The following MAGI3 variants were observed in gnomAD, a reference collection of about 807,000 sequenced individuals.
The protein encoded by MAGI3 is membrane-associated guanylate kinase, WW and PDZ domain-containing protein 3.
Under a neutral mutation model 121.8 loss-of-function variants are expected in MAGI3, and 43 were observed. The ratio of observed to expected loss-of-function variants is 0.35; its 90% CI spans 0.28 to 0.46. The LOEUF is 0.46. Ranked by LOEUF, MAGI3 falls within the 20% of genes least tolerant of loss-of-function variation. MAGI3 has a pLI of 1.00. For synonymous variants in MAGI3, 553 were observed against 639.3 expected (o/e 0.86, Z 2.04); for missense variants, 1,547 against 1,797.3 (o/e 0.86, Z 2.52).
intron 16 of MAGI3, among the ~76,000 whole-genome samples, chr1:113,669,752 A>C (rs1330525300): frequency 6.6e-6 from 1 of 150,964 alleles, no homozygotes; most frequent in Non-Finnish European, 1.5e-5. Flanking sequence ...CTGGTCTTGA[A>C]CTCCTGACCT....
chr1:113,666,629 A>G (rs1454768338), intron 16 of MAGI3, among the ~76,000 whole-genome samples: 1 of 152,198 alleles, frequency 6.6e-6, no homozygotes, highest in African/African-American at 2.4e-5. Flanking sequence ...CTAGAATCAA[A>G]TTATTCCAAA....
At chr1:113,540,537 A>G (rs1306757122) in intron 1 of MAGI3, among the ~76,000 whole-genome samples, 1 of 152,234 alleles carries the variant, frequency 6.6e-6, no homozygotes, top group Non-Finnish European at 1.5e-5. Context: ...TTATGTGTAC[A>G]CAGCACTGTA....
intron 1 of MAGI3, among the ~76,000 whole-genome samples, chr1:113,479,212 G>C (rs1268358170): frequency 6.6e-6 from 1 of 152,218 alleles, no homozygotes; most frequent in East Asian, 1.9e-4. Flanking sequence ...CCCAGGTGAG[G>C]TGACGTCTCG....
chr1:113,547,353 T>A (rs573017645), intron 1 of MAGI3, among the ~76,000 whole-genome samples: 1 of 152,324 alleles, frequency 6.6e-6, no homozygotes, highest in South Asian at 2.1e-4. Flanking sequence ...ATTGTCTTTT[T>A]AAATTATTCA....
intron 6 of MAGI3, among the ~76,000 whole-genome samples, chr1:113,598,221 C>G (rs991481049): frequency 1.4e-5 from 2 of 146,724 alleles, no homozygotes; most frequent in South Asian, 2.1e-4. Context: ...GCCATCCCCC[C>G]ACCCCCCCTC....
Position 113,515,915 on chromosome 1 carries a change from C to A in MAGI3, c.317-33600C>A, listed in dbSNP as rs78691846. On this transcript the variant is annotated intron_variant, in intron 1 of 20. Transcript: ENST00000307546. ...ATTGTACTATTATAGATCAATTGTG[C>A]CTGGCACTGTTAACATTTTGAACTG... Among the ~76,000 whole-genome samples the A allele has an allele frequency of 2.6e-5, 4 of 152,134 alleles. No individual in the cohort carries two copies. The East Asian group carries it at 7.7e-4, about 29-fold the overall frequency.
chr1:113,461,927 A>G (rs1445948496), intron 1 of MAGI3, among the ~76,000 whole-genome samples: 1 of 152,240 alleles, frequency 6.6e-6, no homozygotes, highest in Non-Finnish European at 1.5e-5. Context: ...GACACTTCCC[A>G]AAAGAAGACA....
At chr1:113,561,922 G>C (rs1660252527) in intron 2 of MAGI3, among the ~76,000 whole-genome samples, 1 of 151,962 alleles carries the variant, frequency 6.6e-6, no homozygotes, top group Admixed American at 6.6e-5. Flanking sequence ...AAAATCTCAG[G>C]GTACAAAATC....
At chr1:113,610,118 C>T (rs1343798263) in intron 6 of MAGI3, among the ~76,000 whole-genome samples, 1 of 151,950 alleles carries the variant, frequency 6.6e-6, no homozygotes, top group East Asian at 1.9e-4. Context: ...CTTTACAAAG[C>T]GTTTTTTTGT....
chr1:113,433,593 A>G (rs571108529), intron 1 of MAGI3, among the ~76,000 whole-genome samples: 4 of 152,332 alleles, frequency 2.6e-5, no homozygotes, highest in South Asian at 4.1e-4. Context: ...AATCCCATTC[A>G]TTGATATTTA....
intron 1 of MAGI3, among the ~76,000 whole-genome samples, chr1:113,514,631 G>A (rs1657794484): frequency 6.6e-6 from 1 of 151,918 alleles, no homozygotes; most frequent in Non-Finnish European, 1.5e-5. Context: ...GTTGTGGGGT[G>A]TGGGGGAGGG....
chr1:113,627,109 T>C (rs954805746), intron 9 of MAGI3, among the ~76,000 whole-genome samples: 1 of 152,024 alleles, frequency 6.6e-6, no homozygotes, highest in Middle Eastern at 3.2e-3. Context: ...CTGTATCCCA[T>C]AGGTTTTGGT....
intron 9 of MAGI3, among the ~76,000 whole-genome samples, chr1:113,638,103 G>T (rs1056386626): frequency 5.3e-5 from 8 of 152,074 alleles, no homozygotes; most frequent in Non-Finnish European, 7.4e-5. Flanking sequence ...GCACTTCTCT[G>T]TATTGGTTAT....
intron 1 of MAGI3, among the ~76,000 whole-genome samples, chr1:113,419,560 G>A (rs1257577177): frequency 6.6e-6 from 1 of 152,150 alleles, no homozygotes. Flanking sequence ...GGCTGGGGGT[G>A]TAGAGTGCAG....
At chr1:113,586,768 A>G (rs551864847) in intron 4 of MAGI3, among the ~76,000 whole-genome samples, 3 of 152,170 alleles carry the variant, frequency 2.0e-5, no homozygotes, top group Non-Finnish European at 4.4e-5. Flanking sequence ...ATGGGAATTT[A>G]TATGTTCTTG....
At position 113,483,893 on chromosome 1, in the gene MAGI3, T is replaced by TTG. The variant is rs149847532; in HGVS notation, c.317-65600_317-65599dup. Among the ~76,000 whole-genome samples, 1,035 of 149,482 alleles carry TTG rather than the reference T, an allele frequency of 6.9e-3. 9 individuals carry two copies. Among genetic ancestry groups the TTG allele is most frequent in the African/African-American group, 0.016 (653 of 40,812 alleles). On this transcript the variant is annotated intron_variant, in intron 1 of 20. Transcript: ENST00000307546. ...CTTGTACTTTTTCTCTCTAATGTGA[T>TTG]TGTGTGTGTGTGTGTGTGTGTGTTT...
At chr1:113,621,045 G>A (rs1258962918) in intron 8 of MAGI3, among the ~76,000 whole-genome samples, 1 of 152,176 alleles carries the variant, frequency 6.6e-6, no homozygotes, top group Non-Finnish European at 1.5e-5. Context: ...GCTTTGGTGG[G>A]AAATGTCAAG....
Position 113,670,113 on chromosome 1 carries a change from A to G in MAGI3, c.2816-1621A>G, listed in dbSNP as rs190943704. ...CAACCCTCTGGGTAAGTTCTGGTCC[A>G]GAGGTTGGTTCTGCATCTCCAGGTC... On this transcript the variant is annotated intron_variant, in intron 16 of 20. Coordinates refer to ENST00000307546, the MANE Select transcript of MAGI3 (RefSeq NM_001142782.2). 4.6e-5 allele frequency among the ~76,000 whole-genome samples: 7 copies of G among 151,756 alleles called. No homozygotes were observed. The East Asian group carries it at 1.2e-3, about 25-fold the overall frequency.
At chr1:113,466,471 T>G (rs1655291205) in intron 1 of MAGI3, among the ~76,000 whole-genome samples, 1 of 152,020 alleles carries the variant, frequency 6.6e-6, no homozygotes, top group Non-Finnish European at 1.5e-5. Context: ...TCCTTATCTG[T>G]TTTTGGTATC....
Sources: gnomAD v4.1 joint callset for allele counts (sites outside exome capture counted in the v4.1 genomes callset) on GRCh38, gnomAD v4.1.1 for gene constraint, MANE v1.5 for transcripts, NCBI Gene and HGNC (gene_info 2026-07-23, HGNC 2026-07-21) for gene names.